ZNF804B: variants seen among roughly 807,000 people sequenced by gnomAD.
The protein encoded by ZNF804B is zinc finger 804B.
A neutral mutation model predicts 101.4 loss-of-function variants in ZNF804B; 80 were observed. That is an observed-to-expected ratio of 0.79 (90% CI 0.66 to 0.95). ZNF804B has a LOEUF of 0.95. Ranked by LOEUF, ZNF804B falls within the 40% of genes least tolerant of loss-of-function variation. The pLI is 0.00. For missense variants in ZNF804B, 1,673 were observed against 1,561.9 expected (o/e 1.07, Z -1.20); for synonymous variants, 622 against 558.8 (o/e 1.11, Z -1.59).
intron 1 of ZNF804B, chr7:88,795,650 T>G (rs979251505): frequency 6.6e-5 from 10 of 152,168 alleles, no homozygotes; most frequent in African/African-American, 1.7e-4. Context: ...CATTTTTCTT[T>G]TTTTTCCTGT....
At chr7:89,196,840 A>C (rs1409105098) in intron 1 of ZNF804B, among the ~76,000 whole-genome samples, 5 of 152,164 alleles carry the variant, frequency 3.3e-5, no homozygotes, top group African/African-American at 1.2e-4. Flanking sequence ...AATAAGACAT[A>C]TGTACGATCA....
Position 89,044,413 on chromosome 7 carries a change from A to T in ZNF804B, c.109-173742A>T, listed in dbSNP as rs116878358. ...TAATACAGTAAATTGGTATCACAGA[A>T]AGTGGGGTGCTGCTGCAAAGATACC... On this transcript the variant is annotated intron_variant, in intron 1 of 3. Coordinates refer to ENST00000333190, the MANE Select transcript of ZNF804B (RefSeq NM_181646.5). Among the ~76,000 whole-genome samples the T allele has an allele frequency of 1.1e-3, 171 of 152,290 alleles. 3 individuals are homozygous for T. In the East Asian group the frequency reaches 0.027, roughly 24 times the overall value.
At chr7:89,260,540 T>G (rs1181270946) in intron 2 of ZNF804B, among the ~76,000 whole-genome samples, 1 of 152,166 alleles carries the variant, frequency 6.6e-6, no homozygotes, top group East Asian at 1.9e-4. Flanking sequence ...ATCCTTTGCT[T>G]TATATCCTTC....
At chr7:89,212,496 T>C (rs1290107943) in intron 1 of ZNF804B, among the ~76,000 whole-genome samples, 1 of 152,014 alleles carries the variant, frequency 6.6e-6, no homozygotes, top group South Asian at 2.1e-4. Flanking sequence ...TTTCAAACAA[T>C]TGTCTTAGAC....
chr7:89,125,528 T>A (rs13246252), intron 1 of ZNF804B, among the ~76,000 whole-genome samples: 36,581 of 151,932 alleles, frequency 0.24, 6,165 homozygotes, highest in African/African-American at 0.49. Flanking sequence ...CTATTGTCCA[T>A]TCATAAGCAT....
At chr7:89,251,233 C>A (rs1040129460) in intron 2 of ZNF804B, among the ~76,000 whole-genome samples, 1 of 152,122 alleles carries the variant, frequency 6.6e-6, no homozygotes, top group Non-Finnish European at 1.5e-5. Context: ...ACATAAATGA[C>A]AGCAGCAAAG....
chr7:88,780,032 A>G (rs940274009), intron 1 of ZNF804B, among the ~76,000 whole-genome samples: 2 of 152,242 alleles, frequency 1.3e-5, no homozygotes, highest in Middle Eastern at 3.2e-3. Context: ...GGGTATATAC[A>G]TAATCAACAA....
intron 2 of ZNF804B, among the ~76,000 whole-genome samples, chr7:89,240,818 C>A (rs1393895555): frequency 6.6e-6 from 1 of 151,996 alleles, no homozygotes; most frequent in Non-Finnish European, 1.5e-5. Context: ...TTTATAATTG[C>A]TTTACCCACT....
intron 2 of ZNF804B, among the ~76,000 whole-genome samples, chr7:89,326,035 C>G (rs373027576): frequency 2.0e-5 from 3 of 151,986 alleles, no homozygotes; most frequent in Non-Finnish European, 4.4e-5. Context: ...AGGCTATCCA[C>G]GCTTTAATGC....
intron 1 of ZNF804B, among the ~76,000 whole-genome samples, chr7:88,957,522 T>A (rs1562843569): frequency 6.6e-6 from 1 of 151,336 alleles, no homozygotes; most frequent in Non-Finnish European, 1.5e-5. Context: ...ATCAAACACA[T>A]GAATTAAGCA....
chr7:88,967,227 G>T (rs1195753095), intron 1 of ZNF804B, among the ~76,000 whole-genome samples: 1 of 44,620 alleles, frequency 2.2e-5, no homozygotes, highest in Non-Finnish European at 4.3e-5. Context: ...AGGCTGTACA[G>T]CTGTCATGGC....
chr7:89,101,037 A>G (rs1386528742), intron 1 of ZNF804B, among the ~76,000 whole-genome samples: 2 of 152,110 alleles, frequency 1.3e-5, no homozygotes, highest in African/African-American at 2.4e-5. Flanking sequence ...AAGAAATGAT[A>G]CATTCTATTG....
At chr7:88,850,673 C>T (rs561615783) in intron 1 of ZNF804B, among the ~76,000 whole-genome samples, 9 of 152,078 alleles carry the variant, frequency 5.9e-5, no homozygotes, top group African/African-American at 1.9e-4. Flanking sequence ...GAAATTTAAA[C>T]ATACTATAGA....
chr7:88,955,742 G>A (rs547139612), intron 1 of ZNF804B, among the ~76,000 whole-genome samples: 104 of 151,604 alleles, frequency 6.9e-4, no homozygotes, highest in Non-Finnish European at 9.6e-4. Context: ...AACAAAAATA[G>A]ACAAATGAGA....
At chr7:88,917,550 G>C (rs1486821398) in intron 1 of ZNF804B, among the ~76,000 whole-genome samples, 2 of 152,082 alleles carry the variant, frequency 1.3e-5, no homozygotes, top group Non-Finnish European at 1.5e-5. Flanking sequence ...GTATGTCTTT[G>C]GAATCAGGGG....
chr7:88,966,101 G>C (rs1793449801), intron 1 of ZNF804B, among the ~76,000 whole-genome samples: 4 of 151,254 alleles, frequency 2.6e-5, no homozygotes, highest in Admixed American at 2.0e-4. Flanking sequence ...TTTTTGCATT[G>C]ACTAAACCAT....
At chr7:89,158,522 T>G in intron 1 of ZNF804B, among the ~76,000 whole-genome samples, 1 of 152,192 alleles carries the variant, frequency 6.6e-6, no homozygotes, top group East Asian at 1.9e-4. Context: ...TCTTGTTTTC[T>G]AACTGGTGTA....
chr7:88,956,802 A>G (rs1365881947), intron 1 of ZNF804B, among the ~76,000 whole-genome samples: 1 of 151,468 alleles, frequency 6.6e-6, no homozygotes, highest in East Asian at 2.0e-4. Flanking sequence ...ACTCCATGCC[A>G]TTCTGTATTT....
intron 1 of ZNF804B, among the ~76,000 whole-genome samples, chr7:88,785,114 T>C (rs1790281256): frequency 6.6e-6 from 1 of 152,112 alleles, no homozygotes; most frequent in East Asian, 1.9e-4. Context: ...AAACTCTGTA[T>C]TGGACAGTAT....
Sources: allele counts gnomAD v4.1 joint callset (sites outside exome capture counted in the v4.1 genomes callset), GRCh38; gene constraint gnomAD v4.1.1; transcripts MANE v1.5; gene names NCBI Gene and HGNC (gene_info 2026-07-23, HGNC 2026-07-21).